Variants in CACNA2D3 observed in about 807,000 individuals in gnomAD.
CACNA2D3 encodes voltage-dependent calcium channel subunit alpha-2/delta-3.
In CACNA2D3, 60 loss-of-function variants were observed where a neutral mutation model predicts 160.6. That is an observed-to-expected ratio of 0.37 (90% CI 0.30 to 0.46). The LOEUF is 0.46. Among genes scored for constraint, CACNA2D3 ranks in the 20% least tolerant of loss-of-function variants. The probability of loss-of-function intolerance (pLI) is 1.00; values close to 1 mark genes in which losing one functional copy is unlikely to be tolerated. For missense variants in CACNA2D3, 1,205 were observed against 1,365.0 expected, an observed-to-expected ratio of 0.88 and a Z score of 1.85; for synonymous variants, 558 against 492.9, an observed-to-expected ratio of 1.13 and a Z score of -1.75.
intron 35 of CACNA2D3, among the ~76,000 whole-genome samples, chr3:55,049,642 A>C (rs1406314078): frequency 6.8e-6 from 1 of 148,018 alleles, no homozygotes; most frequent in African/African-American, 2.6e-5. Flanking sequence ...AGCTGAGTTC[A>C]ATTCCTGGGT....
At position 54,304,712 on chromosome 3, in the gene CACNA2D3, C is replaced by T. The variant is rs114702825; in HGVS notation, c.205-15730C>T. Among the ~76,000 whole-genome samples, 604 of 152,264 alleles carry T rather than the reference C, an allele frequency of 4.0e-3. 7 individuals are homozygous for T. Among genetic ancestry groups the T allele is most frequent in the African/African-American group, 0.014 (564 of 41,570 alleles). On this transcript the variant is annotated intron_variant, in intron 2 of 37. Transcript: ENST00000474759. ...AGGAGAGTTATTAGGGAGGTCAGGA[C>T]ATGGGCTATCGAATGAGCCTGCCTG...
At chr3:54,304,901 G>C (rs933272531) in intron 2 of CACNA2D3, among the ~76,000 whole-genome samples, 1 of 151,784 alleles carries the variant, frequency 6.6e-6, no homozygotes, top group Admixed American at 6.6e-5. Flanking sequence ...GTTCCTCCGA[G>C]CATCTTTTGC....
intron 5 of CACNA2D3, among the ~76,000 whole-genome samples, chr3:54,518,023 C>T (rs1476359485): frequency 6.6e-6 from 1 of 152,182 alleles, no homozygotes; most frequent in Non-Finnish European, 1.5e-5. Context: ...TGGTGTCTTT[C>T]CAACAAAGCA....
intron 11 of CACNA2D3, among the ~76,000 whole-genome samples, chr3:54,726,139 C>A (rs1295611595): frequency 6.6e-6 from 1 of 152,110 alleles, no homozygotes; most frequent in African/African-American, 2.4e-5. Context: ...AGAGCCAAAT[C>A]ATGAGTGAAC....
chr3:54,212,728 G>A (rs540819819), intron 2 of CACNA2D3, among the ~76,000 whole-genome samples: 4 of 152,146 alleles, frequency 2.6e-5, no homozygotes, highest in Admixed American at 1.3e-4. Context: ...CCATTTAGAT[G>A]GTTGGGGGTG....
At chr3:54,349,950 G>A (rs1019561254) in intron 3 of CACNA2D3, among the ~76,000 whole-genome samples, 22 of 152,304 alleles carry the variant, frequency 1.4e-4, no homozygotes, top group Middle Eastern at 3.4e-3. Flanking sequence ...TGGACAGAGG[G>A]CCCATTGGTT....
At chr3:54,153,165 G>T (rs1362484385) in intron 2 of CACNA2D3, among the ~76,000 whole-genome samples, 1 of 152,174 alleles carries the variant, frequency 6.6e-6, no homozygotes. Context: ...CCTTGGGCGG[G>T]TATAAGTTGC....
chr3:54,455,604 T>A (rs1700384624), intron 4 of CACNA2D3, among the ~76,000 whole-genome samples: 1 of 152,200 alleles, frequency 6.6e-6, no homozygotes. Flanking sequence ...CTATTTTTGC[T>A]TCTGTTGTCT....
intron 4 of CACNA2D3, among the ~76,000 whole-genome samples, chr3:54,448,928 T>C (rs950494082): frequency 6.6e-6 from 1 of 152,264 alleles, no homozygotes; most frequent in Non-Finnish European, 1.5e-5. Context: ...CTTCATGTCT[T>C]GGATTGACTC....
chr3:54,618,789 C>T (rs56260111), intron 9 of CACNA2D3, among the ~76,000 whole-genome samples: 26,356 of 152,084 alleles, frequency 0.17, 2,902 homozygotes, highest in Non-Finnish European at 0.24. Context: ...TTGATGCAGA[C>T]GAGTGCGCTG....
chr3:54,971,644 C>T (rs1457826303), intron 29 of CACNA2D3, among the ~76,000 whole-genome samples: 1 of 152,152 alleles, frequency 6.6e-6, no homozygotes, highest in Non-Finnish European at 1.5e-5. Context: ...CTTCCCAGAA[C>T]CCACACTGCC....
At chr3:54,263,261 C>T (rs990393112) in intron 2 of CACNA2D3, among the ~76,000 whole-genome samples, 2 of 152,104 alleles carry the variant, frequency 1.3e-5, no homozygotes, top group Admixed American at 6.5e-5. Flanking sequence ...TATTTGGAAG[C>T]TTGTATGGTG....
At chr3:54,248,800 G>A (rs1702130383) in intron 2 of CACNA2D3, among the ~76,000 whole-genome samples, 1 of 152,196 alleles carries the variant, frequency 6.6e-6, no homozygotes, top group African/African-American at 2.4e-5. Flanking sequence ...TAAGGTTTGG[G>A]TTACTCCAGC....
At chr3:54,878,972 T>C in intron 18 of CACNA2D3, 46 bp from the exon 19 acceptor site, 2 of 1,254,452 alleles carry the variant, frequency 1.6e-6, no homozygotes, top group Non-Finnish European at 2.3e-6. Flanking sequence ...CCAGATTACA[T>C]GATAACCCAG....
At chr3:54,550,421 C>T (rs1364987061) in intron 5 of CACNA2D3, among the ~76,000 whole-genome samples, 3 of 152,186 alleles carry the variant, frequency 2.0e-5, no homozygotes, top group Non-Finnish European at 2.9e-5. Flanking sequence ...GCTGGCACCG[C>T]GTGGCGCAGT....
chr3:55,005,078 C>G (rs886937388), intron 32 of CACNA2D3, among the ~76,000 whole-genome samples: 5 of 151,884 alleles, frequency 3.3e-5, no homozygotes, highest in East Asian at 1.9e-4. Flanking sequence ...GAGTTTGAGA[C>G]CAGCCTGGCC....
intron 11 of CACNA2D3, among the ~76,000 whole-genome samples, chr3:54,721,049 T>C (rs1052563802): frequency 6.7e-6 from 1 of 150,162 alleles, no homozygotes; most frequent in Non-Finnish European, 1.5e-5. Flanking sequence ...TGTCATCTAT[T>C]AGCTTGTTAG....
At chr3:54,276,572 CAAAA>C (rs34052239) in intron 2 of CACNA2D3, among the ~76,000 whole-genome samples, 3 of 114,596 alleles carry the variant, frequency 2.6e-5, no homozygotes, top group Admixed American at 9.0e-5. Context: ...GACTCTGTCT[CAAAA>C]AAAAAAAAAA....
Position 54,684,549 on chromosome 3 carries a change from C to A in CACNA2D3, c.1167+42308C>A, listed in dbSNP as rs541150816. On this transcript the variant is annotated intron_variant, in intron 11 of 37. Coordinates refer to ENST00000474759, the MANE Select transcript of CACNA2D3 (RefSeq NM_018398.3). ...TGTGTCTTCTCCTGAGTGGACACTG[C>A]AGACAATGCTAACATTTGCTTATTG... Among the ~76,000 whole-genome samples, 8 of 152,304 alleles carry A rather than the reference C, an allele frequency of 5.3e-5. No individual in the cohort carries two copies. In the South Asian group the frequency reaches 1.7e-3, roughly 32 times the overall value.
Sources: allele counts gnomAD v4.1 joint callset (sites outside exome capture counted in the v4.1 genomes callset), GRCh38; gene constraint gnomAD v4.1.1; transcripts MANE v1.5; gene names NCBI Gene and HGNC (gene_info 2026-07-23, HGNC 2026-07-21).